The following MTCL3 variants were observed in gnomAD, a reference collection of about 807,000 sequenced individuals.
MTCL3 encodes the protein microtubule cross-linking factor 3.
the MTCL3 span, among the ~76,000 whole-genome samples, chr6:127,510,437 G>A: frequency 1.3e-5 from 2 of 152,130 alleles, no homozygotes; most frequent in Non-Finnish European, 1.5e-5. Context: ...CTTTCTTCCT[G>A]GTGGCCAGAT....
chr6:127,475,239 G>C, the MTCL3 span: 1 of 1,520,978 alleles, frequency 6.6e-7, no homozygotes, highest in Non-Finnish European at 8.8e-7. This position sits in a 1 kb window ranked among gnomAD's most constrained non-coding sequence, Gnocchi z 7.3. Context: ...CCAGGGACGC[G>C]GCTCCACGGG....
the MTCL3 span, among the ~76,000 whole-genome samples, chr6:127,509,552 T>C: frequency 6.6e-6 from 1 of 152,246 alleles, no homozygotes; most frequent in African/African-American, 2.4e-5. Context: ...GAGTATATTC[T>C]ATGATTTTTT....
the MTCL3 span, chr6:127,515,852 G>A: frequency 1.2e-6 from 2 of 1,611,934 alleles, no homozygotes; most frequent in Admixed American, 3.3e-5. This position sits in a 1 kb window ranked among gnomAD's most constrained non-coding sequence, Gnocchi z 4.3. Flanking sequence ...TCAGACTGCA[G>A]ACATCCTTCT....
At chr6:127,478,442 A>C in the MTCL3 span, among the ~76,000 whole-genome samples, 7 of 152,226 alleles carry the variant, frequency 4.6e-5, no homozygotes. Flanking sequence ...TCATTAACTA[A>C]ATTGAAAAGT....
the MTCL3 span, among the ~76,000 whole-genome samples, chr6:127,499,116 T>A: frequency 6.6e-6 from 1 of 152,038 alleles, no homozygotes; most frequent in Admixed American, 6.5e-5. Flanking sequence ...ATTTAAAAAG[T>A]CAGCTAAAAA....
the MTCL3 span, among the ~76,000 whole-genome samples, chr6:127,474,776 G>C: frequency 1.3e-5 from 2 of 152,036 alleles, no homozygotes; most frequent in African/African-American, 2.4e-5. Flanking sequence ...GACGGATCTT[G>C]CCTTGCTGAC....
the MTCL3 span, chr6:127,516,684 G>A: frequency 2.6e-6 from 4 of 1,518,620 alleles, no homozygotes; most frequent in South Asian, 4.9e-5. Context: ...CTTCACCGCC[G>A]CCAACCTTCC....
At chr6:127,497,083 G>C in the MTCL3 span, among the ~76,000 whole-genome samples, 1 of 152,152 alleles carries the variant, frequency 6.6e-6, no homozygotes, top group African/African-American at 2.4e-5. Flanking sequence ...TAATTAAAAT[G>C]TACTAAAACT....
At chr6:127,514,784 C>T in the MTCL3 span, 18 of 1,565,040 alleles carry the variant, frequency 1.2e-5, no homozygotes, top group Non-Finnish European at 1.4e-5. Flanking sequence ...CCCCACCCAC[C>T]GCCCCTGCCG....
At chr6:127,473,179 A>G in the MTCL3 span, 3 of 1,297,918 alleles carry the variant, frequency 2.3e-6, no homozygotes, top group Non-Finnish European at 2.9e-6. Flanking sequence ...TTTTTATAGC[A>G]TTGGTTACTA....
chr6:127,489,010 A>AT, the MTCL3 span, among the ~76,000 whole-genome samples: 1 of 152,184 alleles, frequency 6.6e-6, no homozygotes, highest in Non-Finnish European at 1.5e-5. Flanking sequence ...AGATACCACA[A>AT]TTTTTACAAA....
chr6:127,478,069 T>A, the MTCL3 span, among the ~76,000 whole-genome samples: 1 of 152,138 alleles, frequency 6.6e-6, no homozygotes, highest in East Asian at 1.9e-4. Flanking sequence ...CCAGAAGAGA[T>A]GAGAGAGCCT....
chr6:127,475,855 T>C, the MTCL3 span: 1 of 1,613,574 alleles, frequency 6.2e-7, no homozygotes, highest in Non-Finnish European at 8.5e-7. This position sits in a 1 kb window ranked among gnomAD's most constrained non-coding sequence, Gnocchi z 7.3. Flanking sequence ...GCGGTTCTCG[T>C]ACTGCAGCTG....
chr6:127,494,355 A>G, the MTCL3 span, among the ~76,000 whole-genome samples: 1 of 152,178 alleles, frequency 6.6e-6, no homozygotes, highest in African/African-American at 2.4e-5. Context: ...CTTAAAAACC[A>G]TAGGATATCA....
chr6:127,500,839 A>C, the MTCL3 span, among the ~76,000 whole-genome samples: 65 of 151,866 alleles, frequency 4.3e-4, no homozygotes, highest in African/African-American at 1.5e-3. Flanking sequence ...TTGAGATGGG[A>C]TCTCACTCTG....
At chr6:127,516,270 C>G in the MTCL3 span, 6 of 1,488,734 alleles carry the variant, frequency 4.0e-6, no homozygotes, top group Non-Finnish European at 5.3e-6. Context: ...GGACAGCTCC[C>G]GGAGCGGCCC....
chr6:127,482,673 G>A, the MTCL3 span, among the ~76,000 whole-genome samples: 9 of 152,088 alleles, frequency 5.9e-5, no homozygotes, highest in Admixed American at 2.6e-4. The surrounding 1 kb of genome is among the most constrained non-coding windows in gnomAD (Gnocchi z 4.1). Flanking sequence ...TATAAAATAC[G>A]AATGACATTT....
At chr6:127,493,352 G>C in the MTCL3 span, among the ~76,000 whole-genome samples, 1 of 152,192 alleles carries the variant, frequency 6.6e-6, no homozygotes, top group Non-Finnish European at 1.5e-5. Context: ...GGGAAGAAAA[G>C]AAGCATTATT....
At chr6:127,479,073 G>T in the MTCL3 span, among the ~76,000 whole-genome samples, 4 of 150,482 alleles carry the variant, frequency 2.7e-5, no homozygotes, top group Admixed American at 6.6e-5. Flanking sequence ...AATAGTCAAA[G>T]GTTTGGGAGG....
Sources: gnomAD v4.1 joint callset for allele counts (sites outside exome capture counted in the v4.1 genomes callset) on GRCh38, gnomAD v4.1.1 for gene constraint, Gnocchi (gnomAD v3.1) non-coding constraint, MANE v1.5 for transcripts, NCBI Gene and HGNC (gene_info 2026-07-23, HGNC 2026-07-21) for gene names.